Variants in CAMTA1 observed in about 807,000 individuals in gnomAD.
CAMTA1 encodes calmodulin-binding transcription activator 1.
A neutral mutation model predicts 170.9 loss-of-function variants in CAMTA1; 27 were observed. The ratio of observed to expected loss-of-function variants is 0.16; its 90% CI spans 0.12 to 0.22. The LOEUF is 0.22. CAMTA1 is among the 10% of genes least tolerant of loss of function. The pLI, the probability that CAMTA1 is intolerant of heterozygous loss-of-function variation, is 1.00. For missense variants in CAMTA1, 1,619 were observed against 2,217.2 expected (o/e 0.73, Z 5.42); for synonymous variants, 833 against 891.5 (o/e 0.93, Z 1.17).
Position 7,738,196 on chromosome 1 carries a change from A to G in CAMTA1, c.3896A>G (p.Glu1299Gly). 6.2e-7 allele frequency: 1 copy of G among 1,613,928 alleles called. No individual in the cohort carries two copies. Among genetic ancestry groups the G allele is most frequent in the Non-Finnish European group, 8.5e-7 (1 of 1,180,008 alleles). Residue 1299 changes from glutamate (E) to glycine (G), a missense_variant, in exon 16 of 23, where the codon GAA becomes GGA. By Grantham distance (98) the Glu-to-Gly change is moderately conservative. Coordinates refer to ENST00000303635, the MANE Select transcript of CAMTA1 (RefSeq NM_015215.4). This position sits in a 1 kb window ranked among gnomAD's most constrained non-coding sequence, Gnocchi z 4.9. ...PSEGVRDFSR[E>G]LSPPTPETAA... The stretch of plus-strand genomic sequence containing the variant: ...GAAGGAGTGAGGGACTTCAGCCGGG[A>G]ACTCTCCCCTCCCACTCCAGAGACT...
Position 7,534,664 on chromosome 1 carries a change from C to T in CAMTA1, c.510+66763C>T, listed in dbSNP as rs920028843. 5.9e-5 allele frequency among the ~76,000 whole-genome samples: 9 copies of T among 152,090 alleles called. No individual in the cohort carries two copies. The highest frequency in any genetic ancestry group is 2.0e-4 in the Admixed American group (3 of 15,258). ...AGCTGTCCAGGGTCACAGCAGTGGA[C>T]GTTCGGGCCGAGGGGAGCTGAGGCC... On this transcript the variant is annotated intron_variant, in intron 6 of 22. Transcript: ENST00000303635. The surrounding 1 kb of genome is among the most constrained non-coding windows in gnomAD (Gnocchi z 5.6).
At chr1:7,576,516 G>A (rs527857617) in intron 6 of CAMTA1, among the ~76,000 whole-genome samples, 2 of 152,202 alleles carry the variant, frequency 1.3e-5, no homozygotes, top group African/African-American at 2.4e-5. Context: ...GTGTGAGGAC[G>A]CAAGCAAGAA....
Position 7,534,644 on chromosome 1 carries a change from T to C in CAMTA1, c.510+66743T>C, listed in dbSNP as rs535122387. On this transcript the variant is annotated intron_variant, in intron 6 of 22. Transcript: ENST00000303635. This position sits in a 1 kb window ranked among gnomAD's most constrained non-coding sequence, Gnocchi z 5.6. ...TGTGGCCGCAGAAGGCCAGCAGCTG[T>C]CCAGGGTCACAGCAGTGGACGTTCG... 4.3e-4 allele frequency among the ~76,000 whole-genome samples: 65 copies of C among 152,198 alleles called. No homozygotes were observed. The highest frequency in any genetic ancestry group is 1.5e-3 in the African/African-American group (62 of 41,534).
intron 5 of CAMTA1, among the ~76,000 whole-genome samples, chr1:7,260,843 C>G (rs7549382): frequency 0.8 from 122,471 of 152,222 alleles, 49,913 homozygotes; most frequent in African/African-American, 0.95. Flanking sequence ...CACAATTTAC[C>G]TACAGTTTAT....
intron 15 of CAMTA1, 42 bp downstream of exon 15, chr1:7,737,612 T>G: frequency 6.5e-7 from 1 of 1,540,550 alleles, no homozygotes; most frequent in Non-Finnish European, 8.8e-7. Context: ...TTGACAGAGA[T>G]CCCGTTTGCT....
At chr1:7,202,324 T>C (rs1656859535) in intron 4 of CAMTA1, among the ~76,000 whole-genome samples, 1 of 152,178 alleles carries the variant, frequency 6.6e-6, no homozygotes, top group South Asian at 2.1e-4. Context: ...AAAGTGTGAA[T>C]CCTCCTACTT....
chr1:7,235,742 C>T (rs1229180237), intron 4 of CAMTA1, among the ~76,000 whole-genome samples: 6 of 152,306 alleles, frequency 3.9e-5, no homozygotes, highest in Non-Finnish European at 5.9e-5. Context: ...CAATCACGGC[C>T]GTCTGGTGGC....
intron 4 of CAMTA1, among the ~76,000 whole-genome samples, chr1:7,116,603 A>G (rs541342545): frequency 1.3e-5 from 2 of 151,406 alleles, no homozygotes; most frequent in East Asian, 3.9e-4. Context: ...TCCTTAAGCA[A>G]CTCACTTTGA....
chr1:7,553,651 G>A (rs2094837867), intron 6 of CAMTA1, among the ~76,000 whole-genome samples: 1 of 152,238 alleles, frequency 6.6e-6, no homozygotes, highest in African/African-American at 2.4e-5. Context: ...GGTGCTGAGA[G>A]AAACTTCCCT....
At chr1:7,187,363 C>T (rs1207942420) in intron 4 of CAMTA1, among the ~76,000 whole-genome samples, 5 of 152,064 alleles carry the variant, frequency 3.3e-5, no homozygotes, top group African/African-American at 1.2e-4. Flanking sequence ...TACTTTTATG[C>T]CCAAGCTCAT....
At chr1:7,756,363 T>A (rs1386142899) in intron 22 of CAMTA1, among the ~76,000 whole-genome samples, 1 of 152,152 alleles carries the variant, frequency 6.6e-6, no homozygotes, top group East Asian at 1.9e-4. Context: ...AATATTTATA[T>A]TTTACATAAC....
At chr1:7,100,398 C>G (rs1008858009) in intron 4 of CAMTA1, among the ~76,000 whole-genome samples, 2 of 152,184 alleles carry the variant, frequency 1.3e-5, no homozygotes, top group African/African-American at 2.4e-5. Flanking sequence ...CTGGCCTTTG[C>G]CCAGAGTCGT....
At chr1:7,263,547 G>A (rs758817888) in intron 5 of CAMTA1, among the ~76,000 whole-genome samples, 12 of 152,130 alleles carry the variant, frequency 7.9e-5, no homozygotes, top group Non-Finnish European at 1.3e-4. Context: ...ATTATCCTCC[G>A]TTTCTTTTAG....
rs181325786 is a variant in CAMTA1, at chr1:7,677,447, G to T, written c.2780-152G>T. On this transcript the variant is annotated intron_variant, in intron 10 of 22. Coordinates refer to ENST00000303635, the MANE Select transcript of CAMTA1 (RefSeq NM_015215.4). ...TTCCTAGAAGCAGCATTGTGTTTGG[G>T]CCTCGAATGAGCAGGCATAGGCTAC... 3.8e-3 allele frequency: 3,439 copies of T among 899,460 alleles called. 9 individuals are homozygous for T. Among genetic ancestry groups the T allele is most frequent in the Non-Finnish European group, 4.4e-3 (2,598 of 590,332 alleles). The allele number at this position is 899,460 out of a possible 1,614,324, so 55.7% of individuals were successfully genotyped here. A position where few individuals can be genotyped will look rare whatever the true frequency, so the allele number is the denominator to read the frequency against.
intron 4 of CAMTA1, among the ~76,000 whole-genome samples, chr1:7,103,910 G>T (rs563556277): frequency 6.2e-5 from 7 of 112,430 alleles, no homozygotes; most frequent in Non-Finnish European, 1.1e-4. Context: ...AACTACACGC[G>T]CACTCACACA....
At chr1:7,678,618 C>CT (rs1172613809) in intron 11 of CAMTA1, among the ~76,000 whole-genome samples, 2 of 152,164 alleles carry the variant, frequency 1.3e-5, no homozygotes, top group East Asian at 1.9e-4. Context: ...TAGCCAAGGC[C>CT]TGGGGGGCTG....
chr1:7,578,566 C>T (rs1028527462), intron 6 of CAMTA1, among the ~76,000 whole-genome samples: 5 of 152,204 alleles, frequency 3.3e-5, no homozygotes, highest in Non-Finnish European at 7.3e-5. Context: ...CTCCCATATC[C>T]GTGGCAATGG....
At chr1:7,657,096 G>A (rs1165603583) in intron 7 of CAMTA1, among the ~76,000 whole-genome samples, 2 of 152,226 alleles carry the variant, frequency 1.3e-5, no homozygotes, top group Non-Finnish European at 2.9e-5. Context: ...GACACCTTTC[G>A]AGGAGCCAGC....
rs1362621705 is a variant in CAMTA1 at position 7,664,409 on chromosome 1, C to A, written c.1862C>A (p.Ala621Asp). 6.2e-7 allele frequency: 1 copy of A among 1,613,442 alleles called. No homozygotes were observed. Among genetic ancestry groups the A allele is most frequent in the East Asian group, 2.2e-5 (1 of 44,890 alleles). ...TPSPSFFLQD[A>D]SKPLPVEQNT... is the part of the protein sequence containing the mutation. ...TCCCCGAGCTTCTTCCTGCAGGACG[C>A]CAGCAAACCCCTCCCCGTCGAGCAG... The change falls in exon 9 of 23, where the codon GCC becomes GAC. Residue 621 changes from alanine to aspartate, a missense_variant. Physicochemically the swap from Ala to Asp is moderately radical, Grantham distance 126 (BLOSUM62 -2). This residue lies in a region of CAMTA1 where 731 missense variants were observed against 907.6 expected (regional missense o/e 0.81). Transcript: ENST00000303635.
Sources: gnomAD v4.1 joint callset for allele counts (sites outside exome capture counted in the v4.1 genomes callset) on GRCh38, gnomAD v4.1.1 for gene constraint, gnomAD v4.1.1 regional missense constraint, Gnocchi (gnomAD v3.1) non-coding constraint, MANE v1.5 for transcripts, NCBI Gene and HGNC (gene_info 2026-07-23, HGNC 2026-07-21) for gene names.